Variants in RNF115 observed in about 807,000 individuals in gnomAD.
RNF115 encodes E3 ubiquitin-protein ligase RNF115.
In RNF115, 31 loss-of-function variants were observed where a neutral mutation model predicts 39.2. The observed-to-expected ratio is 0.79, with a 90% CI of 0.59 to 1.07. The LOEUF (loss-of-function observed/expected upper bound fraction) is 1.07. RNF115 is among the 50% of genes least tolerant of loss of function. The pLI is 0.00. For synonymous variants in RNF115, 124 were observed against 131.0 expected, an observed-to-expected ratio of 0.95 and a Z score of 0.37; for missense variants, 384 against 381.7, an observed-to-expected ratio of 1.01 and a Z score of -0.05.
At chr1:145,798,294 C>A (rs1445685296) in intron 1 of RNF115, among the ~76,000 whole-genome samples, 1 of 152,090 alleles carries the variant, frequency 6.6e-6, no homozygotes, top group African/African-American at 2.4e-5. Flanking sequence ...AGGAGTTTTA[C>A]AGTTTTAGGT....
intron 8 of RNF115, 33 bp from the exon 9 acceptor site, chr1:145,747,030 TC>T (rs781959228): frequency 1.3e-6 from 2 of 1,588,082 alleles, no homozygotes; most frequent in South Asian, 2.3e-5. Context: ...TATGTGAAGA[TC>T]CTGGCCTGAG....
In RNF115 at chr1:145,752,997, A is replaced by C. The variant is rs782588943; in HGVS notation, c.481T>G (p.Ser161Ala). ...ACTTACCAGGAAAAAGGGTGTGGAG[A>C]TCCAGGAATGGCAGAATTTGCAAAG... Reference protein sequence around the residue: ...GFFANSAIPGSPHPFSWSGML... With the variant: ...GFFANSAIPGAPHPFSWSGML... Residue 161 changes from serine to alanine, a missense_variant, in exon 5 of 9, where the codon TCT (serine) becomes GCT (alanine). Transcript: ENST00000582693. 1.2e-6 allele frequency: 2 copies of C among 1,610,100 alleles called. No individual in the cohort carries two copies. Among genetic ancestry groups the C allele is most frequent in the Non-Finnish European group, 1.7e-6 (2 of 1,176,584 alleles).
rs898539614 is a variant in RNF115, at chr1:145,779,437, A to T, written c.219+5102T>A. The stretch of plus-strand genomic sequence containing the variant: ...CAATCCGCCTGCCTCCGCCCTCCCA[A>T]AGTGCTAGGATTACAGGCATGAGCC... On this transcript the variant is annotated intron_variant, in intron 3 of 8. Coordinates refer to ENST00000582693, the MANE Select transcript of RNF115 (RefSeq NM_014455.4). Among the ~76,000 whole-genome samples the T allele has an allele frequency of 6.6e-5, 10 of 152,128 alleles. No homozygotes were observed. In the South Asian group the frequency reaches 1.9e-3, roughly 29 times the overall value.
intron 4 of RNF115, among the ~76,000 whole-genome samples, chr1:145,761,391 T>C (rs1220891570): frequency 3.9e-5 from 6 of 152,200 alleles, no homozygotes; most frequent in African/African-American, 1.4e-4. Flanking sequence ...TTTTGTGGGC[T>C]GGGCCCAGGG....
At chr1:145,790,558 A>C (rs1334609016) in intron 1 of RNF115, among the ~76,000 whole-genome samples, 1 of 148,968 alleles carries the variant, frequency 6.7e-6, no homozygotes, top group East Asian at 2.0e-4. Context: ...TCAGCCTCCC[A>C]AGTAGCTGGG....
At chr1:145,802,099 A>G (rs782082788) in intron 1 of RNF115, among the ~76,000 whole-genome samples, 9 of 152,128 alleles carry the variant, frequency 5.9e-5, no homozygotes, top group Non-Finnish European at 1.3e-4. Flanking sequence ...AGTCATTTCT[A>G]TCATCCCATC....
intron 4 of RNF115, among the ~76,000 whole-genome samples, chr1:145,769,184 G>C (rs1202320429): frequency 2.0e-5 from 3 of 152,046 alleles, no homozygotes; most frequent in Non-Finnish European, 4.4e-5. Context: ...CACTATCCTG[G>C]CTCCAATATT....
chr1:145,777,937 A>G (rs1212829923), intron 3 of RNF115, among the ~76,000 whole-genome samples: 2 of 152,118 alleles, frequency 1.3e-5, no homozygotes, highest in Non-Finnish European at 2.9e-5. Context: ...CTGTTCCTCA[A>G]TGAGTTGAAC....
rs192687601 is a variant in RNF115, at chr1:145,762,424, T to A, written c.428+9287A>T. Among the ~76,000 whole-genome samples, 4 of 152,326 alleles carry A rather than the reference T, an allele frequency of 2.6e-5. No individual in the cohort carries two copies. In the East Asian group the frequency reaches 5.8e-4, roughly 22 times the overall value. On this transcript the variant is annotated intron_variant, in intron 4 of 8. Transcript: ENST00000582693. Reference sequence around the variant, plus strand: ...CTCTTTTTCTTCCCAGTCTCAGGTATGTCTTTATCAGTAGTGTGAAAACAG... The same window carrying A: ...CTCTTTTTCTTCCCAGTCTCAGGTAAGTCTTTATCAGTAGTGTGAAAACAG...
intron 4 of RNF115, among the ~76,000 whole-genome samples, chr1:145,756,553 TTA>T (rs1358744730): frequency 2.0e-5 from 3 of 151,932 alleles, no homozygotes; most frequent in Non-Finnish European, 2.9e-5. Flanking sequence ...CTTAAGGGTG[TTA>T]TGTTAGTTTC....
At chr1:145,800,892 G>A (rs1045501730) in intron 1 of RNF115, among the ~76,000 whole-genome samples, 2 of 152,130 alleles carry the variant, frequency 1.3e-5, no homozygotes, top group Non-Finnish European at 1.5e-5. Flanking sequence ...GCTTTAGGAC[G>A]GGCGCAGTGG....
rs1215695019 is a variant in RNF115 at position 145,788,892 on chromosome 1, T to C, written c.161+16A>G. The C allele has an allele frequency of 2.6e-6, 4 of 1,559,066 alleles. No individual in the cohort carries two copies. In the Admixed American group the frequency reaches 5.0e-5, roughly 20 times the overall value. On this transcript the variant is annotated intron_variant, in intron 2 of 8. Coordinates refer to ENST00000582693, the MANE Select transcript of RNF115 (RefSeq NM_014455.4). ...GATAATAGAATGTCTGATTTATTCA[T>C]GAGCTTGTACAATACCTGGAATCAT... is the stretch of plus-strand genomic sequence containing the variant.
At chr1:145,808,926 TTTCA>T (rs1190067433) in intron 1 of RNF115, among the ~76,000 whole-genome samples, 1 of 152,190 alleles carries the variant, frequency 6.6e-6, no homozygotes, top group African/African-American at 2.4e-5. Flanking sequence ...TAGAAGAAGC[TTTCA>T]TTCAACAAAT....
At position 145,783,554 on chromosome 1, in the gene RNF115, G is replaced by A. The variant is rs145778180; in HGVS notation, c.219+985C>T. 5.3e-5 allele frequency among the ~76,000 whole-genome samples: 8 copies of A among 152,080 alleles called. No individual in the cohort carries two copies. In the East Asian group the frequency reaches 7.7e-4, roughly 15 times the overall value. ...ATTTTGCTATCTCTCTAGGCACTTCGGCTATCTCTGGAAAAGGCTAATGTG... is the reference window on the plus strand; with the variant it reads ...ATTTTGCTATCTCTCTAGGCACTTCAGCTATCTCTGGAAAAGGCTAATGTG... On this transcript the variant is annotated intron_variant, in intron 3 of 8. Transcript: ENST00000582693.
At chr1:145,781,297 T>G (rs1465433861) in intron 3 of RNF115, among the ~76,000 whole-genome samples, 4 of 152,184 alleles carry the variant, frequency 2.6e-5, no homozygotes, top group Non-Finnish European at 5.9e-5. Context: ...CAGCTCCAGC[T>G]AAAGAAAAAT....
chr1:145,812,976 A>T (rs1456963243), intron 1 of RNF115, among the ~76,000 whole-genome samples: 10 of 144,674 alleles, frequency 6.9e-5, no homozygotes, highest in African/African-American at 2.5e-4. Flanking sequence ...TGAACAGCAA[A>T]CAATTGAAAA....
At position 145,744,530 on chromosome 1, in the gene RNF115, G is replaced by A. The variant is rs587606050; in HGVS notation, c.*2336C>T. On this transcript the variant is annotated 3_prime_UTR_variant, in exon 9 of 9. Transcript: ENST00000582693. ...TAGAGGCAGGCTATTATTTCAGCAGGCCACTCTCTCACTTTTTCTGTTCCC... is the reference window on the plus strand; with the variant it reads ...TAGAGGCAGGCTATTATTTCAGCAGACCACTCTCTCACTTTTTCTGTTCCC... 6.6e-6 allele frequency: 1 copy of A among 152,236 alleles called. No homozygotes were observed. The highest frequency in any genetic ancestry group is 1.9e-4 in the East Asian group (1 of 5,190). The allele number at this position is 152,236 out of a possible 1,614,324, so 9.4% of individuals were successfully genotyped here. A position where few individuals can be genotyped will look rare whatever the true frequency, so the allele number is the denominator to read the frequency against.
chr1:145,793,685 G>A (rs12131782), intron 1 of RNF115, among the ~76,000 whole-genome samples: 129,076 of 151,912 alleles, frequency 0.85, 55,230 homozygotes, highest in African/African-American at 0.95. Context: ...CTAGAAACCC[G>A]GGGGTCATTC....
At chr1:145,751,258 G>A (rs914429789) in intron 6 of RNF115, among the ~76,000 whole-genome samples, 180 bp downstream of exon 6, 5 of 152,224 alleles carry the variant, frequency 3.3e-5, no homozygotes, top group Non-Finnish European at 5.9e-5. Context: ...CCTAGGAAGT[G>A]CATGGATGCT....
Sources: gnomAD v4.1 joint callset for allele counts (sites outside exome capture counted in the v4.1 genomes callset) on GRCh38, gnomAD v4.1.1 for gene constraint, MANE v1.5 for transcripts, NCBI Gene and HGNC (gene_info 2026-07-23, HGNC 2026-07-21) for gene names.